SMG6: variants seen among roughly 807,000 people sequenced by gnomAD.
SMG6 encodes the protein SMG6 nonsense mediated mRNA decay factor.
In SMG6, 66 loss-of-function variants were observed where a neutral mutation model predicts 142.2. The ratio of observed to expected loss-of-function variants is 0.46; its 90% CI spans 0.38 to 0.57. The LOEUF is 0.57. Ranked by LOEUF, SMG6 falls within the 20% of genes least tolerant of loss-of-function variation. The pLI is 0.00. For synonymous variants in SMG6, 779 were observed against 702.4 expected, an observed-to-expected ratio of 1.11 and a Z score of -1.72; for missense variants, 1,793 against 1,832.0, an observed-to-expected ratio of 0.98 and a Z score of 0.39.
At chr17:2,288,318 A>C (rs1241356862) in intron 6 of SMG6, among the ~76,000 whole-genome samples, 1 of 151,020 alleles carries the variant, frequency 6.6e-6, no homozygotes, top group Non-Finnish European at 1.5e-5. Context: ...CATCACAAAA[A>C]AAAGAAAAAG....
intron 13 of SMG6, among the ~76,000 whole-genome samples, chr17:2,136,489 T>A (rs1168323200): frequency 6.6e-6 from 1 of 152,164 alleles, no homozygotes; most frequent in Non-Finnish European, 1.5e-5. Flanking sequence ...AAATGTTTCC[T>A]TTTCGCCTGC....
chr17:2,129,145 C>A (rs758127555), intron 13 of SMG6, among the ~76,000 whole-genome samples: 9 of 152,026 alleles, frequency 5.9e-5, no homozygotes, highest in Non-Finnish European at 1.3e-4. Flanking sequence ...CCCAGGATGG[C>A]GAAACCCCAT....
At chr17:2,273,611 C>A (rs2074586520) in intron 8 of SMG6, among the ~76,000 whole-genome samples, 1 of 152,088 alleles carries the variant, frequency 6.6e-6, no homozygotes, top group Admixed American at 6.6e-5. Flanking sequence ...CCAGCCCGGG[C>A]AACAGTGTGA....
intron 8 of SMG6, among the ~76,000 whole-genome samples, chr17:2,266,495 A>T (rs1351031278): frequency 6.6e-6 from 1 of 152,188 alleles, no homozygotes; most frequent in African/African-American, 2.4e-5. Context: ...AAAATAAACA[A>T]AGTGACTACT....
chr17:2,140,289 T>C (rs1340480690), intron 13 of SMG6, among the ~76,000 whole-genome samples: 4 of 152,124 alleles, frequency 2.6e-5, no homozygotes, highest in East Asian at 1.9e-4. Flanking sequence ...TCTCCTGATA[T>C]CAAGTGATCT....
At chr17:2,173,652 T>C (rs1192974349) in intron 12 of SMG6, among the ~76,000 whole-genome samples, 1 of 152,194 alleles carries the variant, frequency 6.6e-6, no homozygotes, top group Non-Finnish European at 1.5e-5. Flanking sequence ...GATGGCTGGC[T>C]GTCCTAATTG....
At chr17:2,272,441 T>C (rs1203489654) in intron 8 of SMG6, among the ~76,000 whole-genome samples, 2 of 152,136 alleles carry the variant, frequency 1.3e-5, no homozygotes, top group East Asian at 3.9e-4. Flanking sequence ...ACAATCAACC[T>C]TCATTGTTCA....
chr17:2,213,729 T>C (rs999303322), intron 10 of SMG6: 1 of 152,242 alleles, frequency 6.6e-6, no homozygotes, highest in Non-Finnish European at 1.5e-5. Flanking sequence ...CTGCACAGAC[T>C]GTAACAACAA....
At chr17:2,121,587 CTGTGTGTGTGTGTGTGTGTGTGTGTG>C (rs71150850) in intron 13 of SMG6, among the ~76,000 whole-genome samples, 28 of 139,876 alleles carry the variant, frequency 2.0e-4, no homozygotes, top group South Asian at 9.7e-4. Context: ...ACATGTCTGT[CTGTGTGTGTGTGTGTGTGTGTGTGTG>C]TGTGTGTGTG....
chr17:2,220,858 T>G (rs1391426693), intron 10 of SMG6, among the ~76,000 whole-genome samples: 1 of 152,218 alleles, frequency 6.6e-6, no homozygotes, highest in East Asian at 1.9e-4. Flanking sequence ...TAGGAAAGAA[T>G]GTCACTGCCA....
chr17:2,231,950 T>C (rs1207360731), intron 10 of SMG6, among the ~76,000 whole-genome samples: 2 of 152,252 alleles, frequency 1.3e-5, no homozygotes, highest in Admixed American at 1.3e-4. Flanking sequence ...ATTCCAGTGG[T>C]GGCCAATGAG....
intron 13 of SMG6, among the ~76,000 whole-genome samples, chr17:2,119,415 A>C (rs1381074813): frequency 1.3e-5 from 2 of 152,052 alleles, no homozygotes; most frequent in Non-Finnish European, 2.9e-5. Context: ...GCTGGTCTCG[A>C]ACTCTTGACC....
intron 8 of SMG6, among the ~76,000 whole-genome samples, chr17:2,250,250 C>T (rs1034078189): frequency 1.3e-5 from 2 of 151,938 alleles, no homozygotes; most frequent in Non-Finnish European, 2.9e-5. Flanking sequence ...TGTGAAAAAC[C>T]GAATTTCTGA....
At chr17:2,239,271 G>C (rs1322645612) in intron 9 of SMG6, among the ~76,000 whole-genome samples, 1 of 152,100 alleles carries the variant, frequency 6.6e-6, no homozygotes, top group Non-Finnish European at 1.5e-5. Context: ...TAGTTTTAAT[G>C]TTATACTTTT....
intron 15 of SMG6, among the ~76,000 whole-genome samples, chr17:2,078,115 T>C (rs766577337): frequency 1.1e-4 from 17 of 152,112 alleles, no homozygotes; most frequent in Non-Finnish European, 1.8e-4. Context: ...GGCAGGAGCC[T>C]GGTATGCTAC....
intron 13 of SMG6, among the ~76,000 whole-genome samples, chr17:2,126,782 A>C (rs1042896474): frequency 5.9e-5 from 9 of 151,592 alleles, no homozygotes; most frequent in Non-Finnish European, 1.2e-4. Context: ...TCAAAGGTGG[A>C]AACTCACACC....
intron 10 of SMG6, among the ~76,000 whole-genome samples, chr17:2,206,301 T>C (rs955716792): frequency 7.2e-5 from 11 of 152,140 alleles, no homozygotes; most frequent in Non-Finnish European, 1.6e-4. Context: ...AGAAGCTCTA[T>C]AGGCCAGATG....
intron 13 of SMG6, among the ~76,000 whole-genome samples, chr17:2,134,866 A>C (rs2070242216): frequency 7.5e-6 from 1 of 133,886 alleles, no homozygotes; most frequent in Admixed American, 8.1e-5. Flanking sequence ...GACCTTTTTT[A>C]AAAAGTTTTA....
chr17:2,246,634 G>A (rs573208935), intron 8 of SMG6, among the ~76,000 whole-genome samples: 1 of 152,322 alleles, frequency 6.6e-6, no homozygotes, highest in East Asian at 1.9e-4. Context: ...CAGGGCCAGG[G>A]ACACTGGGTT....
Sources: allele counts gnomAD v4.1 joint callset (sites outside exome capture counted in the v4.1 genomes callset), GRCh38; gene constraint gnomAD v4.1.1; transcripts MANE v1.5; gene names NCBI Gene and HGNC (gene_info 2026-07-23, HGNC 2026-07-21).